The following RAB8B variants were observed in gnomAD, a reference collection of about 807,000 sequenced individuals.
The protein encoded by RAB8B is RAB8B, member RAS oncogene family.
RAB8B carries 11 observed loss-of-function variants against 32.0 expected under a neutral mutation model. The ratio of observed to expected loss-of-function variants is 0.34; its 90% CI spans 0.22 to 0.57. The LOEUF is 0.57. RAB8B is among the 20% of genes least tolerant of loss of function. RAB8B has a pLI of 0.86. For missense variants in RAB8B, 190 were observed against 258.5 expected (o/e 0.73, Z 1.82); for synonymous variants, 103 against 89.6 (o/e 1.15, Z -0.85).
chr15:63,263,588 A>C lies in RAB8B; in HGVS notation c.593A>C (p.Lys198Thr), dbSNP rs747093133. 3 of 1,612,302 alleles carry C rather than the reference A, an allele frequency of 1.9e-6. No homozygotes were observed. The highest frequency in any genetic ancestry group is 2.2e-5 in the East Asian group (1 of 44,894). Residue 198 changes from lysine (K) to threonine (T), a missense_variant, in exon 8 of 8, where the codon AAG becomes ACG. This residue lies in a region of RAB8B where 110 missense variants were observed against 115.9 expected (regional missense o/e 0.95). Transcript: ENST00000321437. ...AAAATAACAGAAAACCGATCAAAGA[A>C]GACCAGTTTCTTTCGTTGCTCGCTA... The part of the protein sequence containing the change: ...PVKITENRSK[K>T]TSFFRCSLL
intron 3 of RAB8B, among the ~76,000 whole-genome samples, chr15:63,250,872 G>T (rs1224268311): frequency 6.6e-6 from 1 of 151,430 alleles, no homozygotes; most frequent in Admixed American, 6.6e-5. Flanking sequence ...CCAACTCATT[G>T]CTTAAAAGAT....
intron 1 of RAB8B, chr15:63,223,730 C>T: frequency 3.9e-6 from 1 of 256,276 alleles, no homozygotes; most frequent in Non-Finnish European, 8.2e-6. Context: ...CGTGACTGTA[C>T]TTGGTTGTTA....
intron 1 of RAB8B, among the ~76,000 whole-genome samples, chr15:63,214,612 T>G (rs2037776664): frequency 6.6e-6 from 1 of 152,160 alleles, no homozygotes; most frequent in Admixed American, 6.6e-5. Flanking sequence ...GTGCTAGGAT[T>G]ACAGGCGTGA....
intron 2 of RAB8B, among the ~76,000 whole-genome samples, chr15:63,247,444 G>A (rs1225619234): frequency 6.6e-6 from 1 of 152,156 alleles, no homozygotes; most frequent in Admixed American, 6.5e-5. Flanking sequence ...AATAAATATG[G>A]TTCCTCCAGA....
At chr15:63,234,963 A>T (rs62012880) in intron 1 of RAB8B, among the ~76,000 whole-genome samples, 1 of 151,866 alleles carries the variant, frequency 6.6e-6, no homozygotes, top group Non-Finnish European at 1.5e-5. Context: ...AAAAGTCCCC[A>T]AACCCCCTGC....
rs58765418 is a variant in RAB8B at position 63,197,370 on chromosome 15, C to CTTTTTTTT, written c.124+7636_124+7643dup. Among the ~76,000 whole-genome samples, 95 of 61,442 alleles carry CTTTTTTTT rather than the reference C, an allele frequency of 1.5e-3. 1 individual carries two copies. Among genetic ancestry groups the CTTTTTTTT allele is most frequent in the South Asian group, 2.2e-3 (3 of 1,360 alleles). The allele number at this position is 61,442 out of a possible 152,430, so 40.3% of individuals were successfully genotyped here. ...TTTTCTTTCTTTCTTTCTTTCTTTT[C>CTTTTTTTT]TTTTTTTTTTTTTTTTTTTTTAAGA... is the stretch of plus-strand genomic sequence containing the variant. On this transcript the variant is annotated intron_variant, in intron 1 of 7. Coordinates refer to ENST00000321437, the MANE Select transcript of RAB8B (RefSeq NM_016530.3).
At chr15:63,205,538 A>T in intron 1 of RAB8B, among the ~76,000 whole-genome samples, 1 of 152,062 alleles carries the variant, frequency 6.6e-6, no homozygotes, top group East Asian at 1.9e-4. Context: ...ACACGGGATG[A>T]TATGTGGTAG....
intron 1 of RAB8B, among the ~76,000 whole-genome samples, chr15:63,218,215 A>G (rs2037810620): frequency 6.6e-6 from 1 of 152,206 alleles, no homozygotes; most frequent in Non-Finnish European, 1.5e-5. Flanking sequence ...TTCTACAAGT[A>G]TAAGCAAGTT....
intron 1 of RAB8B, among the ~76,000 whole-genome samples, chr15:63,229,822 A>G (rs1253192466): frequency 6.7e-6 from 1 of 149,636 alleles, no homozygotes; most frequent in Non-Finnish European, 1.5e-5. Flanking sequence ...AAGCCAAACC[A>G]AGGAAGTAAT....
At chr15:63,233,946 A>G (rs1050482001) in intron 1 of RAB8B, among the ~76,000 whole-genome samples, 19 of 152,212 alleles carry the variant, frequency 1.2e-4, no homozygotes, top group African/African-American at 4.3e-4. Context: ...GTTATGATTC[A>G]TTGAAAGGCT....
chr15:63,206,928 G>C (rs1260419551), intron 1 of RAB8B, among the ~76,000 whole-genome samples: 1 of 151,974 alleles, frequency 6.6e-6, no homozygotes, highest in Non-Finnish European at 1.5e-5. Context: ...CTCAGTCTTT[G>C]TCATCCTTGG....
chr15:63,226,922 C>T (rs1034381414), intron 1 of RAB8B, among the ~76,000 whole-genome samples: 7 of 152,050 alleles, frequency 4.6e-5, no homozygotes, highest in Admixed American at 6.5e-5. Flanking sequence ...GTGGATTATT[C>T]ATGCCTCCCC....
At chr15:63,257,712 CA>C (rs2038169381) in intron 5 of RAB8B, among the ~76,000 whole-genome samples, 1 of 152,020 alleles carries the variant, frequency 6.6e-6, no homozygotes, top group Non-Finnish European at 1.5e-5. Flanking sequence ...CAATAGAAAT[CA>C]AAGCATGAAT....
At chr15:63,191,939 T>C (rs1024711350) in intron 1 of RAB8B, among the ~76,000 whole-genome samples, 1 of 152,222 alleles carries the variant, frequency 6.6e-6, no homozygotes, top group African/African-American at 2.4e-5. Flanking sequence ...CAAAAAATGA[T>C]GGAAATGAGG....
chr15:63,253,220 A>G (rs1302435293), intron 3 of RAB8B, among the ~76,000 whole-genome samples: 1 of 152,216 alleles, frequency 6.6e-6, no homozygotes, highest in Non-Finnish European at 1.5e-5. Context: ...TACATATACT[A>G]CAGGAAACTT....
At chr15:63,213,315 G>A (rs965176282) in intron 1 of RAB8B, among the ~76,000 whole-genome samples, 1 of 151,174 alleles carries the variant, frequency 6.6e-6, no homozygotes, top group Non-Finnish European at 1.5e-5. Context: ...GGGACGTGGG[G>A]CAAAGCAGAG....
rs564204525 is a variant in RAB8B at position 63,219,451 on chromosome 15, T to C, written c.125-25305T>C. On this transcript the variant is annotated intron_variant, in intron 1 of 7. Coordinates refer to ENST00000321437, the MANE Select transcript of RAB8B (RefSeq NM_016530.3). ...CAATTTACTGTGTCCAGACCAACTT[T>C]TTTTTTTTTTTTTAAATGGAGGGAA... is the stretch of plus-strand genomic sequence containing the variant. Among the ~76,000 whole-genome samples the C allele has an allele frequency of 3.6e-3, 328 of 89,922 alleles. 1 individual carries two copies. Among genetic ancestry groups the C allele is most frequent in the African/African-American group, 0.013 (319 of 24,784 alleles). The allele number at this position is 89,922 out of a possible 152,430, so 59.0% of individuals were successfully genotyped here.
chr15:63,219,448 CTT>C (rs568968975), intron 1 of RAB8B, among the ~76,000 whole-genome samples: 33,903 of 143,346 alleles, frequency 0.24, 4,129 homozygotes, highest in Admixed American at 0.33. Context: ...TCCAGACCAA[CTT>C]TTTTTTTTTT....
chr15:63,197,816 T>C (rs2037615998), intron 1 of RAB8B, among the ~76,000 whole-genome samples: 1 of 152,140 alleles, frequency 6.6e-6, no homozygotes, highest in East Asian at 1.9e-4. Context: ...AGGTCCTGTC[T>C]GAGCTCAGCA....
Sources: gnomAD v4.1 joint callset for allele counts (sites outside exome capture counted in the v4.1 genomes callset) on GRCh38, gnomAD v4.1.1 for gene constraint, gnomAD v4.1.1 regional missense constraint, MANE v1.5 for transcripts, NCBI Gene and HGNC (gene_info 2026-07-23, HGNC 2026-07-21) for gene names.